The following OR4N2 variants were observed in gnomAD, a reference collection of about 807,000 sequenced individuals.
OR4N2 encodes the protein olfactory receptor family 4 subfamily N member 2, also known as olfactory receptor 4N2.
For missense variants in OR4N2, 307 were observed against 377.6 expected, an observed-to-expected ratio of 0.81 and a Z score of 1.55; for synonymous variants, 141 against 140.4, an observed-to-expected ratio of 1.00 and a Z score of -0.03.
intron 1 of OR4N2, among the ~76,000 whole-genome samples, chr14:19,821,482 A>T (rs1366915997): frequency 6.6e-6 from 1 of 152,000 alleles, no homozygotes; most frequent in Non-Finnish European, 1.5e-5. Flanking sequence ...TTTTTGCCTC[A>T]TCCTACCCCT....
rs115786993 is a variant in OR4N2 at position 19,811,217 on chromosome 14, A to T, written c.-10+7373A>T. Among the ~76,000 whole-genome samples, 717 of 152,254 alleles carry T rather than the reference A, an allele frequency of 4.7e-3. 1 individual carries two copies. Among genetic ancestry groups the T allele is most frequent in the African/African-American group, 0.016 (681 of 41,492 alleles). On this transcript the variant is annotated intron_variant, in intron 1 of 1. Transcript: ENST00000557677. Reference sequence around the variant, plus strand: ...GGATTTTGCATTACAAGGAAAGATGATTTCTCAAAAACATACACATATGAT... The same window carrying T: ...GGATTTTGCATTACAAGGAAAGATGTTTTCTCAAAAACATACACATATGAT...
chr14:19,818,799 T>C (rs1363472570), intron 1 of OR4N2, among the ~76,000 whole-genome samples: 1 of 152,274 alleles, frequency 6.6e-6, no homozygotes, highest in African/African-American at 2.4e-5. Flanking sequence ...CAATTTGGTA[T>C]GTTTTTGCAG....
intron 1 of OR4N2, among the ~76,000 whole-genome samples, chr14:19,810,115 T>A (rs1227464966): frequency 8.5e-5 from 13 of 152,248 alleles, no homozygotes; most frequent in Non-Finnish European, 1.5e-4. Context: ...AACAAAGGTC[T>A]AATATCCAGA....
intron 1 of OR4N2, among the ~76,000 whole-genome samples, chr14:19,815,667 T>G (rs113557091): frequency 4.0e-5 from 6 of 151,128 alleles, no homozygotes; most frequent in South Asian, 2.1e-4. Context: ...TTTTTTTTTT[T>G]TTGTTTTTTT....
At chr14:19,809,472 A>G (rs1245862296) in intron 1 of OR4N2, among the ~76,000 whole-genome samples, 1 of 152,268 alleles carries the variant, frequency 6.6e-6, no homozygotes, top group Non-Finnish European at 1.5e-5. Flanking sequence ...TCTAATATCC[A>G]GAAACTATAA....
rs1879828922 is a variant in OR4N2, at chr14:19,830,063, ACCTGTGCACCAGATTCCAT to A, written c.*1694_*1712del. ...TGCTCCTACAGAAGTAAACCCTTCCACCTGTGCACCAGATTCCATCCCCCTCCTCTCTACTAAAGGCAAT... is the reference window on the plus strand; with the variant it reads ...TGCTCCTACAGAAGTAAACCCTTCCACCCCCTCCTCTCTACTAAAGGCAAT... On this transcript the variant is annotated 3_prime_UTR_variant, in exon 2 of 2. Transcript: ENST00000557677. 1 of 152,592 alleles carries A rather than the reference ACCTGTGCACCAGATTCCAT, an allele frequency of 6.6e-6. No homozygotes were observed. The highest frequency in any genetic ancestry group is 2.4e-5 in the African/African-American group (1 of 41,434). 9.5% of individuals were successfully genotyped at this position (152,592 alleles called of 1,614,324 possible). A position where few individuals can be genotyped will look rare whatever the true frequency, so the allele number is the denominator to read the frequency against.
At chr14:19,823,152 T>C (rs1879607819) in intron 1 of OR4N2, among the ~76,000 whole-genome samples, 1 of 152,270 alleles carries the variant, frequency 6.6e-6, no homozygotes, top group South Asian at 2.1e-4. Context: ...TCACACTTTT[T>C]AGAAAATATA....
intron 1 of OR4N2, among the ~76,000 whole-genome samples, chr14:19,805,044 G>T (rs1318026084): frequency 6.6e-6 from 1 of 152,026 alleles, no homozygotes; most frequent in Non-Finnish European, 1.5e-5. Flanking sequence ...CTTTTTGCTT[G>T]GTCTATTTTT....
intron 1 of OR4N2, among the ~76,000 whole-genome samples, chr14:19,820,935 G>C (rs1329810693): frequency 6.6e-6 from 1 of 152,244 alleles, no homozygotes; most frequent in East Asian, 1.9e-4. Context: ...CCAGGGGAGT[G>C]AATAGTTCTA....
chr14:19,812,990 G>GA (rs1478193041), intron 1 of OR4N2, among the ~76,000 whole-genome samples: 6 of 152,132 alleles, frequency 3.9e-5, no homozygotes, highest in South Asian at 2.1e-4. Context: ...TTATCTAGAG[G>GA]AAAAAATCTA....
intron 1 of OR4N2, among the ~76,000 whole-genome samples, chr14:19,818,519 G>T (rs1879483736): frequency 1.3e-5 from 2 of 151,840 alleles, no homozygotes; most frequent in South Asian, 4.2e-4. Context: ...CTTTTTTTTG[G>T]CTTTCAATAT....
intron 1 of OR4N2, among the ~76,000 whole-genome samples, chr14:19,824,250 C>T (rs145646315): frequency 4.0e-3 from 607 of 152,196 alleles, no homozygotes; most frequent in Non-Finnish European, 6.2e-3. Flanking sequence ...TCTGATTAGA[C>T]TCTGCGTCTA....
Position 19,827,584 on chromosome 14 carries a change from A to G in OR4N2, c.136A>G (p.Ile46Val), listed in dbSNP as rs552759944. 6.2e-7 allele frequency: 1 copy of G among 1,614,134 alleles called. No homozygotes were observed. Among genetic ancestry groups the G allele is most frequent in the South Asian group, 1.1e-5 (1 of 91,082 alleles). Reference protein sequence around the residue: ...FIILPGNFLIIFTIKSDPGLT... With the variant: ...FIILPGNFLIVFTIKSDPGLT... ...CATCCTCCCTGGAAATTTTCTCATTATTTTCACCATAAAGTCAGACCCTGG... is the reference window on the plus strand; with the variant it reads ...CATCCTCCCTGGAAATTTTCTCATTGTTTTCACCATAAAGTCAGACCCTGG... The change falls in exon 2 of 2, where the codon ATT (isoleucine) becomes GTT (valine). Residue 46 changes from isoleucine to valine, a missense_variant. Ile to Val is a conservative substitution (Grantham distance 29). Transcript: ENST00000557677.
intron 1 of OR4N2, among the ~76,000 whole-genome samples, chr14:19,823,236 C>T (rs1186418578): frequency 6.6e-6 from 1 of 152,146 alleles, no homozygotes; most frequent in Non-Finnish European, 1.5e-5. Context: ...AATATTACAT[C>T]CCTATTTTTG....
chr14:19,817,444 A>G (rs1292025265), intron 1 of OR4N2, among the ~76,000 whole-genome samples: 7 of 152,210 alleles, frequency 4.6e-5, no homozygotes, highest in Non-Finnish European at 1.0e-4. Flanking sequence ...CCAGGAATTT[A>G]TCCATTTCTT....
chr14:19,811,305 G>C (rs561713183), intron 1 of OR4N2, among the ~76,000 whole-genome samples: 267 of 152,302 alleles, frequency 1.8e-3, no homozygotes, highest in African/African-American at 6.2e-3. Flanking sequence ...GGAGTGCAGT[G>C]GTGCGATCTC....
At chr14:19,811,713 G>T (rs757743839) in intron 1 of OR4N2, among the ~76,000 whole-genome samples, 8 of 152,338 alleles carry the variant, frequency 5.3e-5, no homozygotes, top group Middle Eastern at 3.4e-3. Context: ...ATATGATCTC[G>T]CCAAGAGGCA....
At chr14:19,823,895 C>T (rs1413925082) in intron 1 of OR4N2, among the ~76,000 whole-genome samples, 1 of 152,140 alleles carries the variant, frequency 6.6e-6, no homozygotes, top group Non-Finnish European at 1.5e-5. Flanking sequence ...GATCTCTAAA[C>T]ACTTGGCTCC....
Position 19,829,124 on chromosome 14 carries a change from T to C in OR4N2, c.*752T>C, listed in dbSNP as rs1210385814. ...GAAAATATTATATTTGTAAGTGCAC[T>C]TTGAAAGATATTAAACTACCAATTT... On this transcript the variant is annotated 3_prime_UTR_variant, in exon 2 of 2. Transcript: ENST00000557677. The C allele has an allele frequency of 1.3e-5, 2 of 152,262 alleles. No individual in the cohort carries two copies. Among genetic ancestry groups the C allele is most frequent in the Admixed American group, 1.3e-4 (2 of 15,288 alleles). 9.4% of individuals were successfully genotyped at this position (152,262 alleles called of 1,614,324 possible). A position where few individuals can be genotyped will look rare whatever the true frequency, so the allele number is the denominator to read the frequency against.
Sources: gnomAD v4.1 joint callset for allele counts (sites outside exome capture counted in the v4.1 genomes callset) on GRCh38, gnomAD v4.1.1 for gene constraint, MANE v1.5 for transcripts, NCBI Gene and HGNC (gene_info 2026-07-23, HGNC 2026-07-21) for gene names.